FOCAD: variants seen among roughly 807,000 people sequenced by gnomAD.
FOCAD encodes KIAA1797.
Under a neutral mutation model 225.6 loss-of-function variants are expected in FOCAD, and 198 were observed. The observed-to-expected ratio is 0.88, with a 90% CI of 0.78 to 0.99. FOCAD has a LOEUF of 0.99. FOCAD is among the 50% of genes least tolerant of loss of function. The pLI is 0.00. For missense variants in FOCAD, 2,713 were observed against 2,123.6 expected (o/e 1.28, Z -5.46); for synonymous variants, 897 against 755.0 (o/e 1.19, Z -3.08).
chr9:20,948,410 G>T lies in FOCAD; in HGVS notation c.3798+17G>T. 1 of 1,602,410 alleles carries T rather than the reference G, an allele frequency of 6.2e-7. No homozygotes were observed. Among genetic ancestry groups the T allele is most frequent in the African/African-American group, 1.3e-5 (1 of 74,438 alleles). ...CTAACAGAGGTAGAGGTCACCTGTT[G>T]TATGCTATTTCATATTTTTATAATG... On this transcript the variant is annotated intron_variant, in intron 31 of 43. Transcript: ENST00000338382.
chr9:20,901,459 A>C (rs1832556906), intron 21 of FOCAD, among the ~76,000 whole-genome samples: 1 of 151,894 alleles, frequency 6.6e-6, no homozygotes, highest in African/African-American at 2.4e-5. Flanking sequence ...ATGCCATCAA[A>C]GTTTGTTACC....
At chr9:20,876,651 G>A (rs1830250897) in intron 19 of FOCAD, among the ~76,000 whole-genome samples, 1 of 152,240 alleles carries the variant, frequency 6.6e-6, no homozygotes, top group African/African-American at 2.4e-5. Flanking sequence ...TGCTATGTTG[G>A]CAAACTGTCA....
At chr9:20,771,941 T>C (rs1818277269) in intron 8 of FOCAD, among the ~76,000 whole-genome samples, 1 of 152,192 alleles carries the variant, frequency 6.6e-6, no homozygotes, top group Non-Finnish European at 1.5e-5. Context: ...GATTGGATTA[T>C]GGCCCCACCC....
rs145182586 is a variant in FOCAD at position 20,750,632 on chromosome 9, T to C, written c.393-7458T>C. ...TTGATATTTAGAAATAATACAATTC[T>C]CTATTAAGGAGAAAGCAGAATCTAT... is the stretch of plus-strand genomic sequence containing the variant. On this transcript the variant is annotated intron_variant, in intron 5 of 43. Coordinates refer to ENST00000338382, the MANE Select transcript of FOCAD (RefSeq NM_001375567.1). Among the ~76,000 whole-genome samples the C allele has an allele frequency of 2.3e-3, 348 of 152,292 alleles. 1 individual carries two copies. The highest frequency in any genetic ancestry group is 8.1e-3 in the African/African-American group (336 of 41,558).
At chr9:20,663,498 CA>C (rs1180766907) in intron 2 of FOCAD, among the ~76,000 whole-genome samples, 9 of 151,640 alleles carry the variant, frequency 5.9e-5, no homozygotes, top group Non-Finnish European at 8.8e-5. Context: ...CACACACACA[CA>C]CACACACATA....
intron 8 of FOCAD, among the ~76,000 whole-genome samples, chr9:20,771,323 G>T (rs1030935483): frequency 6.6e-6 from 1 of 152,306 alleles, no homozygotes; most frequent in Non-Finnish European, 1.5e-5. Context: ...AGACCTTTCA[G>T]CAGATCTCAT....
At chr9:20,951,268 A>G (rs1025967201) in intron 34 of FOCAD, among the ~76,000 whole-genome samples, 170 bp downstream of exon 34, 6 of 152,222 alleles carry the variant, frequency 3.9e-5, no homozygotes, top group African/African-American at 1.4e-4. Flanking sequence ...TGACTTACCC[A>G]GGGTCATGTG....
chr9:20,896,083 A>C (rs542391339), intron 21 of FOCAD, among the ~76,000 whole-genome samples: 4 of 151,822 alleles, frequency 2.6e-5, no homozygotes, highest in Non-Finnish European at 4.4e-5. Flanking sequence ...AAACTGTTCG[A>C]TTTTGTCAAA....
chr9:20,699,641 G>A (rs1823673637), intron 1 of FOCAD, among the ~76,000 whole-genome samples: 1 of 147,780 alleles, frequency 6.8e-6, no homozygotes, highest in African/African-American at 2.5e-5. Flanking sequence ...AGGAGGCTGA[G>A]GCAGGAGAAT....
chr9:20,954,948 C>T (rs536078332), intron 35 of FOCAD, among the ~76,000 whole-genome samples: 2 of 152,254 alleles, frequency 1.3e-5, no homozygotes, highest in East Asian at 1.9e-4. Flanking sequence ...TGGCCAAATG[C>T]GGAGGTGTGC....
At chr9:20,707,147 C>T (rs1287966315) in intron 1 of FOCAD, among the ~76,000 whole-genome samples, 2 of 152,174 alleles carry the variant, frequency 1.3e-5, no homozygotes, top group Non-Finnish European at 2.9e-5. Context: ...GCAGTCTCTT[C>T]CACATCATAT....
chr9:20,954,276 G>A (rs1837943030), intron 35 of FOCAD, among the ~76,000 whole-genome samples: 2 of 152,050 alleles, frequency 1.3e-5, no homozygotes, highest in Admixed American at 6.6e-5. Flanking sequence ...AAATATTATA[G>A]TAGAGATGGC....
intron 39 of FOCAD, 104 bp from the exon 40 acceptor site, chr9:20,986,184 G>A (rs1417751173): frequency 1.8e-6 from 2 of 1,089,466 alleles, no homozygotes; most frequent in Non-Finnish European, 2.5e-6. Context: ...GAACAGAATA[G>A]TAACATCCAA....
At chr9:20,812,851 A>G (rs1823234401) in intron 11 of FOCAD, among the ~76,000 whole-genome samples, 2 of 152,178 alleles carry the variant, frequency 1.3e-5, no homozygotes, top group African/African-American at 4.8e-5. Flanking sequence ...TTAAAAAACA[A>G]TCCCAGGATT....
intron 11 of FOCAD, among the ~76,000 whole-genome samples, chr9:20,819,588 A>G (rs1011394662): frequency 6.6e-6 from 1 of 152,038 alleles, no homozygotes; most frequent in African/African-American, 2.4e-5. Context: ...GCACTTTTCG[A>G]TTGGTGTTTG....
chr9:20,720,646 C>T (rs924259244), intron 4 of FOCAD, 112 bp downstream of exon 4: 4 of 1,057,706 alleles, frequency 3.8e-6, no homozygotes, highest in Non-Finnish European at 5.5e-6. Context: ...GTTTTTCTTG[C>T]TCTTAAAATG....
intron 5 of FOCAD, among the ~76,000 whole-genome samples, chr9:20,750,707 C>T (rs554554235): frequency 6.6e-6 from 1 of 152,234 alleles, no homozygotes; most frequent in South Asian, 2.1e-4. Context: ...TCTGTGGGCT[C>T]TTCCTGGACA....
chr9:20,884,345 C>T (rs1351485310), intron 20 of FOCAD, among the ~76,000 whole-genome samples: 2 of 152,124 alleles, frequency 1.3e-5, no homozygotes, highest in Non-Finnish European at 2.9e-5. Flanking sequence ...GTTGCCCAGG[C>T]TGGAGTACAG....
intron 26 of FOCAD, 185 bp from the exon 27 acceptor site, chr9:20,929,173 A>T (rs888141494): frequency 2.4e-5 from 13 of 549,752 alleles, no homozygotes; most frequent in Non-Finnish European, 3.8e-5. Flanking sequence ...GTAGCAAAAC[A>T]TTTCATTAAT....
Sources: gnomAD v4.1 joint callset for allele counts (sites outside exome capture counted in the v4.1 genomes callset) on GRCh38, gnomAD v4.1.1 for gene constraint, MANE v1.5 for transcripts, NCBI Gene and HGNC (gene_info 2026-07-23, HGNC 2026-07-21) for gene names.